ST8SIA3: variants seen among roughly 807,000 people sequenced by gnomAD.
ST8SIA3 encodes ST8 alpha-N-acetyl-neuraminide alpha-2,8-sialyltransferase 3.
Under a neutral mutation model 34.5 loss-of-function variants are expected in ST8SIA3, and 17 were observed. The ratio of observed to expected loss-of-function variants is 0.49; its 90% confidence interval spans 0.34 to 0.74. ST8SIA3 has a LOEUF of 0.74. Ranked by LOEUF, ST8SIA3 falls within the 30% of genes least tolerant of loss-of-function variation. The probability of loss-of-function intolerance (pLI) is 0.01; values close to 1 mark genes in which losing one functional copy is unlikely to be tolerated. For missense variants in ST8SIA3, 354 were observed against 467.8 expected, an observed-to-expected ratio of 0.76 and a Z score of 2.24; for synonymous variants, 172 against 176.1, an observed-to-expected ratio of 0.98 and a Z score of 0.19.
At chr18:57,354,021 A>G (rs1433408696) in intron 1 of ST8SIA3, among the ~76,000 whole-genome samples, 1 of 152,174 alleles carries the variant, frequency 6.6e-6, no homozygotes, top group Non-Finnish European at 1.5e-5. Context: ...CTTTCTCCAA[A>G]AACAATTCTA....
intron 3 of ST8SIA3, among the ~76,000 whole-genome samples, chr18:57,358,306 G>A (rs997069578): frequency 6.6e-6 from 1 of 152,142 alleles, no homozygotes; most frequent in African/African-American, 2.4e-5. Context: ...ATCATCTGGA[G>A]AAAATTATCT....
At position 57,360,462 on chromosome 18, in the gene ST8SIA3, T is replaced by C. The variant is rs1266911787; in HGVS notation, c.*185T>C. The C allele has an allele frequency of 1.6e-6, 1 of 618,198 alleles. No individual in the cohort carries two copies. The highest frequency in any genetic ancestry group is 2.8e-6 in the Non-Finnish European group (1 of 358,610). 38.3% of individuals were successfully genotyped at this position (618,198 alleles called of 1,614,324 possible). ...AGCAGATTTAGCAGGACAGATGCAT[T>C]GAAGCCACATGGTTTAGACTTGATT... is the stretch of plus-strand genomic sequence containing the variant. On this transcript the variant is annotated 3_prime_UTR_variant, in exon 4 of 4. Coordinates refer to ENST00000324000, the MANE Select transcript of ST8SIA3 (RefSeq NM_015879.3).
In ST8SIA3 at chr18:57,360,412, T is replaced by C. The variant is rs2049824016; in HGVS notation, c.*135T>C. 4 of 883,190 alleles carry C rather than the reference T, an allele frequency of 4.5e-6. No homozygotes were observed. In the South Asian group the frequency reaches 7.3e-5, roughly 16 times the overall value. 54.7% of individuals were successfully genotyped at this position (883,190 alleles called of 1,614,324 possible). ...TTAAAAGGAAAGATGTCTTTTCTCTTTTGCACTGCTCTTTTAAGAGTTTTA... is the reference window on the plus strand; with the variant it reads ...TTAAAAGGAAAGATGTCTTTTCTCTCTTGCACTGCTCTTTTAAGAGTTTTA... On this transcript the variant is annotated 3_prime_UTR_variant, in exon 4 of 4. Coordinates refer to ENST00000324000, the MANE Select transcript of ST8SIA3 (RefSeq NM_015879.3).
In ST8SIA3 at chr18:57,363,102, C is replaced by CA. The variant is rs1471603100; in HGVS notation, c.*2826dup. 6.6e-6 allele frequency: 1 copy of CA among 152,226 alleles called. No individual in the cohort carries two copies. The highest frequency in any genetic ancestry group is 6.5e-5 in the Admixed American group (1 of 15,282). The allele number at this position is 152,226 out of a possible 1,614,324, so 9.4% of individuals were successfully genotyped here. Reference sequence around the variant, plus strand: ...GACACTTTCCCTTTTTTAGGATACTCACAACAGAGTCCACTTTCAGCTATT... The same window carrying CA: ...GACACTTTCCCTTTTTTAGGATACTCAACAACAGAGTCCACTTTCAGCTATT... On this transcript the variant is annotated 3_prime_UTR_variant, in exon 4 of 4. Transcript: ENST00000324000.
rs1598904765 is a variant in ST8SIA3 at position 57,362,643 on chromosome 18, T to C, written c.*2366T>C. On this transcript the variant is annotated 3_prime_UTR_variant, in exon 4 of 4. Transcript: ENST00000324000. The stretch of plus-strand genomic sequence containing the variant: ...CCATCCCCCACCACCGTGTTATCTA[T>C]CACTTTAATGAAAACTCAAAATAGT... The C allele has an allele frequency of 6.6e-6, 1 of 152,130 alleles. No homozygotes were observed. The allele number at this position is 152,130 out of a possible 1,614,324, so 9.4% of individuals were successfully genotyped here. A position where few individuals can be genotyped will look rare whatever the true frequency, so the allele number is the denominator to read the frequency against.
chr18:57,355,318 G>A (rs2049792915), intron 2 of ST8SIA3, among the ~76,000 whole-genome samples: 1 of 152,138 alleles, frequency 6.6e-6, no homozygotes, highest in Non-Finnish European at 1.5e-5. Context: ...TGGGATGTGA[G>A]CCATCTAGCG....
Position 57,354,320 on chromosome 18 carries a change from C to A in ST8SIA3, c.180-82C>A, listed in dbSNP as rs1332354583. Reference sequence around the variant, plus strand: ...CCGCACGCGTACCAGCCGCCCTCGCCCCAGCCGCTGCACTTTAATGGCTAC... The same window carrying A: ...CCGCACGCGTACCAGCCGCCCTCGCACCAGCCGCTGCACTTTAATGGCTAC... On this transcript the variant is annotated intron_variant, in intron 1 of 3. Transcript: ENST00000324000. The A allele has an allele frequency of 6.9e-6, 11 of 1,585,714 alleles. No individual in the cohort carries two copies. The Admixed American group carries it at 1.2e-4, about 17-fold the overall frequency.
chr18:57,356,733 T>C (rs2049799734), intron 2 of ST8SIA3, among the ~76,000 whole-genome samples, 180 bp from the exon 3 acceptor site: 2 of 152,218 alleles, frequency 1.3e-5, no homozygotes, highest in African/African-American at 2.4e-5. Flanking sequence ...GACTGAAAGA[T>C]TAGAATATGC....
rs538299207 is a variant in ST8SIA3, at chr18:57,364,211, A to T, written c.*3934A>T. 5.3e-4 allele frequency: 80 copies of T among 152,348 alleles called. No homozygotes were observed. The highest frequency in any genetic ancestry group is 1.9e-3 in the African/African-American group (80 of 41,570). The allele number at this position is 152,348 out of a possible 1,614,324, so 9.4% of individuals were successfully genotyped here. On this transcript the variant is annotated 3_prime_UTR_variant, in exon 4 of 4. Coordinates refer to ENST00000324000, the MANE Select transcript of ST8SIA3 (RefSeq NM_015879.3). ...CTGGTGGTTCATGCTTGACAGCTGC[A>T]ATCTTACCCAATAAGCTATTCATCT...
rs922704286 is a variant in ST8SIA3 at position 57,360,402 on chromosome 18, T to C, written c.*125T>C. The stretch of plus-strand genomic sequence containing the variant: ...TGTCTGCCATTTAAAAGGAAAGATG[T>C]CTTTTCTCTTTTGCACTGCTCTTTT... On this transcript the variant is annotated 3_prime_UTR_variant, in exon 4 of 4. Transcript: ENST00000324000. 1 of 977,512 alleles carries C rather than the reference T, an allele frequency of 1.0e-6. No homozygotes were observed. Among genetic ancestry groups the C allele is most frequent in the Non-Finnish European group, 1.5e-6 (1 of 680,140 alleles). The allele number at this position is 977,512 out of a possible 1,614,324, so 60.6% of individuals were successfully genotyped here.
Position 57,365,499 on chromosome 18 carries a change from T to C in ST8SIA3, c.*5222T>C, listed in dbSNP as rs897444189. ...GGCCAGCTCTTCATATTTCCCTCTT[T>C]ATATTTCAAACTAAGAGGCAGATCT... On this transcript the variant is annotated 3_prime_UTR_variant, in exon 4 of 4. Transcript: ENST00000324000. The C allele has an allele frequency of 1.3e-5, 2 of 152,218 alleles. No individual in the cohort carries two copies. The highest frequency in any genetic ancestry group is 2.9e-5 in the Non-Finnish European group (2 of 68,038). The allele number at this position is 152,218 out of a possible 1,614,324, so 9.4% of individuals were successfully genotyped here.
intron 1 of ST8SIA3, among the ~76,000 whole-genome samples, chr18:57,353,370 G>A (rs1306858733): frequency 6.6e-6 from 1 of 152,076 alleles, no homozygotes; most frequent in Non-Finnish European, 1.5e-5. Flanking sequence ...GCGGCGAGCA[G>A]AGATGGACAG....
In ST8SIA3 at chr18:57,366,053, A is replaced by G. The variant is rs184277814; in HGVS notation, c.*5776A>G. ...TCAGCCAATTTCAGGCTACTAACTT[A>G]ATGTCAACCAGCTGAAAACACAACA... On this transcript the variant is annotated 3_prime_UTR_variant, in exon 4 of 4. Transcript: ENST00000324000. 6.6e-6 allele frequency: 1 copy of G among 152,300 alleles called. No homozygotes were observed. The allele number at this position is 152,300 out of a possible 1,614,324, so 9.4% of individuals were successfully genotyped here.
At chr18:57,353,066 T>C in intron 1 of ST8SIA3, 41 bp downstream of exon 1, 3 of 1,590,540 alleles carry the variant, frequency 1.9e-6, no homozygotes, top group Non-Finnish European at 2.6e-6. Flanking sequence ...GGGAATTTGG[T>C]TGATGGGGTG....
Position 57,357,033 on chromosome 18 carries a change from C to T in ST8SIA3, c.423C>T (p.Ser141=), listed in dbSNP as rs755386193. The T allele has an allele frequency of 2.5e-6, 4 of 1,614,020 alleles. No homozygotes were observed. The highest frequency in any genetic ancestry group is 3.4e-6 in the Non-Finnish European group (4 of 1,179,930). The change falls in exon 3 of 4, where the codon AGC becomes AGT. Residue 141 remains serine (S), a synonymous_variant. Coordinates refer to ENST00000324000, the MANE Select transcript of ST8SIA3 (RefSeq NM_015879.3). ...GCCATAAATATGTTTTCTCTATTAG[C>T]AATAACTTCCGGTCACTTCTTCCAG... ...YSSHKYVFSI[S]NNFRSLLPDV...
At position 57,362,069 on chromosome 18, in the gene ST8SIA3, G is replaced by T. The variant is rs1474465586; in HGVS notation, c.*1792G>T. 6.6e-6 allele frequency: 1 copy of T among 152,140 alleles called. No homozygotes were observed. The highest frequency in any genetic ancestry group is 2.4e-5 in the African/African-American group (1 of 41,426). The allele number at this position is 152,140 out of a possible 1,614,324, so 9.4% of individuals were successfully genotyped here. On this transcript the variant is annotated 3_prime_UTR_variant, in exon 4 of 4. Coordinates refer to ENST00000324000, the MANE Select transcript of ST8SIA3 (RefSeq NM_015879.3). ...TAGATCTAGATATTAACTAATGAAA[G>T]AAACACCAAGTTCAAATGTGTTACC...
chr18:57,354,173 C>T (rs2049784376), intron 1 of ST8SIA3, among the ~76,000 whole-genome samples: 1 of 152,240 alleles, frequency 6.6e-6, no homozygotes, highest in Non-Finnish European at 1.5e-5. Context: ...ATTTTATGGT[C>T]TCTCCGGCAC....
Position 57,352,868 on chromosome 18 carries a change from C to T in ST8SIA3, c.22C>T (p.Arg8Trp). ...CGGGATGAGAAACTGCAAAATGGCC[C>T]GGGTCGCCAGTGTGCTGGGGCTGGT... MRNCKMA[R>W]VASVLGLVML... Residue 8 changes from arginine (R) to tryptophan (W), a missense_variant, in exon 1 of 4, where the codon CGG (arginine) becomes TGG (tryptophan). Coordinates refer to ENST00000324000, the MANE Select transcript of ST8SIA3 (RefSeq NM_015879.3). The T allele has an allele frequency of 6.2e-7, 1 of 1,613,704 alleles. No individual in the cohort carries two copies. The highest frequency in any genetic ancestry group is 1.1e-5 in the South Asian group (1 of 91,060).
rs1421079217 is a variant in ST8SIA3 at position 57,364,841 on chromosome 18, T to C, written c.*4564T>C. 1 of 152,340 alleles carries C rather than the reference T, an allele frequency of 6.6e-6. No individual in the cohort carries two copies. Among genetic ancestry groups the C allele is most frequent in the Non-Finnish European group, 1.5e-5 (1 of 68,044 alleles). The allele number at this position is 152,340 out of a possible 1,614,324, so 9.4% of individuals were successfully genotyped here. A position where few individuals can be genotyped will look rare whatever the true frequency, so the allele number is the denominator to read the frequency against. ...ACACTTTAGAATGTCATTATTGTAT[T>C]ATATATTGTCATCTTATGCAGTATT... On this transcript the variant is annotated 3_prime_UTR_variant, in exon 4 of 4. Coordinates refer to ENST00000324000, the MANE Select transcript of ST8SIA3 (RefSeq NM_015879.3).
Sources: gnomAD v4.1 joint callset for allele counts (sites outside exome capture counted in the v4.1 genomes callset) on GRCh38, gnomAD v4.1.1 for gene constraint, MANE v1.5 for transcripts, NCBI Gene and HGNC (gene_info 2026-07-23, HGNC 2026-07-21) for gene names.